SORBS2: variants seen among roughly 807,000 people sequenced by gnomAD.
SORBS2 encodes sorbin and SH3 domain-containing protein 2.
In SORBS2, 46 loss-of-function variants were observed where a neutral mutation model predicts 97.7. The observed-to-expected ratio is 0.47, with a 90% CI of 0.37 to 0.60. The LOEUF (loss-of-function observed/expected upper bound fraction) is 0.60. Ranked by LOEUF, SORBS2 falls within the 20% of genes least tolerant of loss-of-function variation. The pLI, the probability that SORBS2 is intolerant of heterozygous loss-of-function variation, is 0.00. For missense variants in SORBS2, 1,316 were observed against 1,282.3 expected (o/e 1.03, Z -0.40); for synonymous variants, 476 against 473.4 (o/e 1.01, Z -0.07).
At chr4:185,892,486 T>G (rs2099242996) in intron 1 of SORBS2, among the ~76,000 whole-genome samples, 1 of 152,252 alleles carries the variant, frequency 6.6e-6, no homozygotes, top group Admixed American at 6.5e-5. Context: ...CACAGCAACC[T>G]TATTCACAAT....
chr4:185,943,897 C>T (rs1020372613), intron 1 of SORBS2, among the ~76,000 whole-genome samples: 1 of 152,098 alleles, frequency 6.6e-6, no homozygotes, highest in African/African-American at 2.4e-5. Context: ...AACACATGCC[C>T]GTGAGGACCT....
chr4:185,842,930 T>TAAAAAA (rs56193107), intron 1 of SORBS2, among the ~76,000 whole-genome samples: 5 of 122,378 alleles, frequency 4.1e-5, no homozygotes, highest in Non-Finnish European at 6.6e-5. Flanking sequence ...AAAGACTGTC[T>TAAAAAA]AAAAAAAAAA....
chr4:185,676,121 C>T (rs1046884280), intron 4 of SORBS2, among the ~76,000 whole-genome samples: 35 of 152,204 alleles, frequency 2.3e-4, no homozygotes, highest in African/African-American at 8.0e-4. Context: ...CTTTTATTAA[C>T]AGCTGTCATT....
chr4:185,717,769 C>G (rs2153556749), intron 2 of SORBS2, among the ~76,000 whole-genome samples: 1 of 152,262 alleles, frequency 6.6e-6, no homozygotes, highest in African/African-American at 2.4e-5. Context: ...TCCGTGACAG[C>G]CAATATCAGG....
At chr4:185,676,960 A>T in intron 4 of SORBS2, 1 of 1,521,328 alleles carries the variant, frequency 6.6e-7, no homozygotes. Context: ...TACGATACGC[A>T]TGTATTAATA....
intron 2 of SORBS2, among the ~76,000 whole-genome samples, chr4:185,706,084 T>G (rs1255946642): frequency 2.6e-5 from 4 of 152,224 alleles, no homozygotes; most frequent in Admixed American, 2.0e-4. Context: ...TTTAAGAAGT[T>G]ATTTAGGTTT....
intron 1 of SORBS2, among the ~76,000 whole-genome samples, chr4:185,941,974 G>A (rs1453181335): frequency 6.6e-6 from 1 of 152,038 alleles, no homozygotes; most frequent in Non-Finnish European, 1.5e-5. Context: ...AAATTTGCCA[G>A]GTGTGGTTGT....
intron 12 of SORBS2, among the ~76,000 whole-genome samples, chr4:185,609,324 C>A (rs1165453656): frequency 6.6e-6 from 1 of 152,124 alleles, no homozygotes; most frequent in African/African-American, 2.4e-5. Context: ...TAATTTCAGA[C>A]CATCAGGTTT....
intron 1 of SORBS2, among the ~76,000 whole-genome samples, chr4:185,942,612 G>T (rs990606955): frequency 6.6e-6 from 1 of 152,096 alleles, no homozygotes; most frequent in African/African-American, 2.4e-5. Context: ...GCCTCCCAAA[G>T]TGCTGGGATT....
chr4:185,667,258 G>C (rs949991284), intron 4 of SORBS2, among the ~76,000 whole-genome samples: 2 of 152,144 alleles, frequency 1.3e-5, no homozygotes, highest in Admixed American at 1.3e-4. Context: ...GAATGAAGGA[G>C]AACTGTTTAC....
chr4:185,593,933 T>C, exon 13 of SORBS2: 1 of 1,601,072 alleles, frequency 6.2e-7, no homozygotes, highest in Non-Finnish European at 8.6e-7. Context: ...CAGGACGCTG[T>C]GGCTGAAATG....
At chr4:185,864,866 G>T (rs1869622) in intron 1 of SORBS2, among the ~76,000 whole-genome samples, 1 of 150,820 alleles carries the variant, frequency 6.6e-6, no homozygotes, top group Non-Finnish European at 1.5e-5. Flanking sequence ...GAGCTGAGAC[G>T]AAGCCACTGC....
intron 1 of SORBS2, among the ~76,000 whole-genome samples, chr4:185,895,722 A>G (rs2099244703): frequency 6.6e-6 from 1 of 152,254 alleles, no homozygotes; most frequent in African/African-American, 2.4e-5. Context: ...TGCCTCAACA[A>G]TAAGAAACTT....
intron 2 of SORBS2, among the ~76,000 whole-genome samples, chr4:185,691,463 C>T (rs2098092235): frequency 1.3e-5 from 2 of 152,170 alleles, no homozygotes; most frequent in African/African-American, 4.8e-5. Flanking sequence ...GTGTCCTCTT[C>T]CAGAGTTTTA....
At chr4:185,730,599 T>C (rs1461618517) in intron 2 of SORBS2, among the ~76,000 whole-genome samples, 3 of 152,192 alleles carry the variant, frequency 2.0e-5, no homozygotes, top group Admixed American at 1.3e-4. Flanking sequence ...GCGAGTCTCT[T>C]TGTAGTTCCT....
At chr4:185,670,189 A>C (rs2097690996) in intron 4 of SORBS2, among the ~76,000 whole-genome samples, 1 of 152,160 alleles carries the variant, frequency 6.6e-6, no homozygotes. Flanking sequence ...ACTGCACTCC[A>C]GCCTGGGTGA....
At chr4:185,835,603 T>C (rs191348116) in intron 1 of SORBS2, among the ~76,000 whole-genome samples, 1 of 151,938 alleles carries the variant, frequency 6.6e-6, no homozygotes, top group East Asian at 1.9e-4. Context: ...GTGATCACGA[T>C]GGAAAGATTT....
At chr4:185,871,142 T>G (rs2099230211) in intron 1 of SORBS2, among the ~76,000 whole-genome samples, 1 of 152,230 alleles carries the variant, frequency 6.6e-6, no homozygotes, top group Non-Finnish European at 1.5e-5. Context: ...CTTTAAATAG[T>G]GTACATGTCA....
intron 1 of SORBS2, among the ~76,000 whole-genome samples, chr4:185,941,052 A>G (rs767461192): frequency 1.3e-5 from 2 of 152,214 alleles, no homozygotes; most frequent in Non-Finnish European, 2.9e-5. Flanking sequence ...AAATGTCAGT[A>G]GGATTAAGGT....
Sources: gnomAD v4.1 joint callset for allele counts (sites outside exome capture counted in the v4.1 genomes callset) on GRCh38, gnomAD v4.1.1 for gene constraint, MANE v1.5 for transcripts, NCBI Gene and HGNC (gene_info 2026-07-23, HGNC 2026-07-21) for gene names.